VEGFA: variants seen among roughly 807,000 people sequenced by gnomAD.
VEGFA encodes vascular endothelial growth factor A.
A neutral mutation model predicts 49.7 loss-of-function variants in VEGFA; 20 were observed. That is an observed-to-expected ratio of 0.40 (90% CI 0.28 to 0.58). The LOEUF (loss-of-function observed/expected upper bound fraction) is 0.58, where lower values mean the gene tolerates loss of function less well. VEGFA is among the 20% of genes least tolerant of loss of function. VEGFA has a pLI of 0.40. For missense variants in VEGFA, 505 were observed against 553.5 expected (o/e 0.91, Z 0.88); for synonymous variants, 219 against 223.4 (o/e 0.98, Z 0.18).
Position 43,773,825 on chromosome 6 carries a change from T to C in VEGFA, c.607-516T>C, listed in dbSNP as rs979378130. ...GGATGGGGGAGGGTGGTTGGTGCCC[T>C]TCGGTCCTCGGCACCCCCCTCCGTC... On this transcript the variant is annotated intron_variant, in intron 1 of 7. Transcript: ENST00000672860. This position sits in a 1 kb window ranked among gnomAD's most constrained non-coding sequence, Gnocchi z 5.6. 6 of 184,786 alleles carry C rather than the reference T, an allele frequency of 3.2e-5. No homozygotes were observed. Among genetic ancestry groups the C allele is most frequent in the Non-Finnish European group, 5.9e-5 (5 of 85,104 alleles). The allele number at this position is 184,786 out of a possible 1,614,324, so 11.4% of individuals were successfully genotyped here. A position where few individuals can be genotyped will look rare whatever the true frequency, so the allele number is the denominator to read the frequency against.
intron 5 of VEGFA, chr6:43,780,351 A>G: frequency 2.8e-6 from 1 of 356,280 alleles, no homozygotes; most frequent in Non-Finnish European, 5.4e-6. Flanking sequence ...AGACTTGGAC[A>G]GGGCTGCTGG....
At chr6:43,780,565 G>A (rs1180854967) in intron 5 of VEGFA, 167 bp from the exon 6 acceptor site, 10 of 884,070 alleles carry the variant, frequency 1.1e-5, no homozygotes, top group South Asian at 4.7e-5. Flanking sequence ...GCCTGTGTGC[G>A]CCCGCGCATG....
intron 5 of VEGFA, chr6:43,779,247 C>G (rs1242806551): frequency 4.0e-6 from 2 of 500,336 alleles, no homozygotes. Context: ...TCTAGGACAC[C>G]CACAGTGGGG....
At chr6:43,783,066 T>C (rs1371593491) in intron 7 of VEGFA, 1 of 152,134 alleles carries the variant, frequency 6.6e-6, no homozygotes, top group African/African-American at 2.4e-5. Flanking sequence ...ACCAAGGAAG[T>C]GTCAAGTGCA....
rs991930720 is a variant in VEGFA, at chr6:43,777,807, G to C, written c.855+142G>C. ...AGTTGCACAGGGGAGGTATGGTGGGGTCTTGCCTTCTGTGGAGAAGATGCT... is the reference window on the plus strand; with the variant it reads ...AGTTGCACAGGGGAGGTATGGTGGGCTCTTGCCTTCTGTGGAGAAGATGCT... On this transcript the variant is annotated intron_variant, in intron 3 of 7. Coordinates refer to ENST00000672860, the MANE Select transcript of VEGFA (RefSeq NM_003376.6). This position sits in a 1 kb window ranked among gnomAD's most constrained non-coding sequence, Gnocchi z 4.3. The C allele has an allele frequency of 9.1e-6, 8 of 877,790 alleles. No individual in the cohort carries two copies. The African/African-American group carries it at 1.4e-4, about 15-fold the overall frequency. 54.4% of individuals were successfully genotyped at this position (877,790 alleles called of 1,614,324 possible). A position where few individuals can be genotyped will look rare whatever the true frequency, so the allele number is the denominator to read the frequency against.
At position 43,780,092 on chromosome 6, in the gene VEGFA, G is replaced by A. The variant is rs1448984513; in HGVS notation, c.963-640G>A. The A allele has an allele frequency of 1.9e-5, 4 of 214,608 alleles. No homozygotes were observed. In the East Asian group the frequency reaches 4.5e-4, roughly 24 times the overall value. 13.3% of individuals were successfully genotyped at this position (214,608 alleles called of 1,614,324 possible). ...ATCCTGCTGCCTGCCCAGGGCTCCA[G>A]GACACCCAGCCCTGCCTCCCAGTCC... On this transcript the variant is annotated intron_variant, in intron 5 of 7. Transcript: ENST00000672860.
chr6:43,771,149 G>A lies in VEGFA; in HGVS notation c.443G>A (p.Arg148Lys), dbSNP rs780766978. The A allele has an allele frequency of 1.3e-6, 2 of 1,538,480 alleles. No individual in the cohort carries two copies. The highest frequency in any genetic ancestry group is 1.7e-6 in the Non-Finnish European group (2 of 1,146,204). Residue 148 changes from arginine to lysine, a missense_variant, in exon 1 of 8, where the codon AGA becomes AAA. Arg to Lys is a conservative substitution (Grantham distance 26). Coordinates refer to ENST00000672860, the MANE Select transcript of VEGFA (RefSeq NM_003376.6). ...GCCCGGGCCTCGGGCCGGGGAGGAA[G>A]AGTAGCTCGCCGAGGCGCCGAGGAG...
rs372731987 is a variant in VEGFA at position 43,771,200 on chromosome 6, G to A, written c.494G>A (p.Arg165Gln). ...AGCGGGCCGCCCCACAGCCCGAGCC[G>A]GAGAGGGAGCGCGAGCCGCGCCGGC... is the stretch of plus-strand genomic sequence containing the variant. Residue 165 changes from arginine (R) to glutamine (Q), a missense_variant, in exon 1 of 8, where the codon CGG becomes CAG. Arg to Gln is a conservative substitution (Grantham distance 43). Coordinates refer to ENST00000672860, the MANE Select transcript of VEGFA (RefSeq NM_003376.6). 1.9e-5 allele frequency: 31 copies of A among 1,600,456 alleles called. 1 individual carries two copies. In the South Asian group the frequency reaches 3.1e-4, roughly 16 times the overall value.
Position 43,770,403 on chromosome 6 carries a change from A to T in VEGFA, c.-304A>T. 2.5e-6 allele frequency: 1 copy of T among 394,104 alleles called. No homozygotes were observed. The highest frequency in any genetic ancestry group is 4.3e-6 in the Non-Finnish European group (1 of 230,330). The allele number at this position is 394,104 out of a possible 1,614,324, so 24.4% of individuals were successfully genotyped here. ...TTTTTCTTAAACATTTTTTTTTAAA[A>T]CTGTATTGTTTCTCGTTTTAATTTA... is the stretch of plus-strand genomic sequence containing the variant. On this transcript the variant is annotated 5_prime_UTR_variant, in exon 1 of 8. Coordinates refer to ENST00000672860, the MANE Select transcript of VEGFA (RefSeq NM_003376.6).
rs1765820786 is a variant in VEGFA at position 43,777,462 on chromosome 6, C to T, written c.659-7C>T. 3 of 1,613,752 alleles carry T rather than the reference C, an allele frequency of 1.9e-6. No homozygotes were observed. Among genetic ancestry groups the T allele is most frequent in the Non-Finnish European group, 2.5e-6 (3 of 1,180,044 alleles). On this transcript the variant is annotated splice_polypyrimidine_tract_variant and splice_region_variant and intron_variant, in intron 2 of 7. Coordinates refer to ENST00000672860, the MANE Select transcript of VEGFA (RefSeq NM_003376.6). The surrounding 1 kb of genome is among the most constrained non-coding windows in gnomAD (Gnocchi z 4.3). The stretch of plus-strand genomic sequence containing the variant: ...ACCGGGCTCATGTGTCATCGCCTCT[C>T]ATGCAGTGGTGAAGTTCATGGATGT...
chr6:43,781,944 G>C lies in VEGFA; in HGVS notation c.1035-12G>C, dbSNP rs755211460. 1 of 1,613,370 alleles carries C rather than the reference G, an allele frequency of 6.2e-7. No individual in the cohort carries two copies. The highest frequency in any genetic ancestry group is 1.7e-5 in the Admixed American group (1 of 59,972). The stretch of plus-strand genomic sequence containing the variant: ...CTCTAGCTTAGATGTCTTTCCTTTT[G>C]CCTTTTTGCAGTCCCTGTGGGCCTT... On this transcript the variant is annotated splice_polypyrimidine_tract_variant and intron_variant, in intron 6 of 7. Coordinates refer to ENST00000672860, the MANE Select transcript of VEGFA (RefSeq NM_003376.6).
chr6:43,777,427 T>C lies in VEGFA; in HGVS notation c.659-42T>C, dbSNP rs770044372. 5.8e-5 allele frequency: 93 copies of C among 1,610,106 alleles called. No homozygotes were observed. The highest frequency in any genetic ancestry group is 7.4e-5 in the Non-Finnish European group (87 of 1,178,056). On this transcript the variant is annotated intron_variant, in intron 2 of 7. Coordinates refer to ENST00000672860, the MANE Select transcript of VEGFA (RefSeq NM_003376.6). This position sits in a 1 kb window ranked among gnomAD's most constrained non-coding sequence, Gnocchi z 4.3. ...GTGGAGAGAGGGGCTAGCCATCTTT[T>C]GTGTCGCCCACCGGGCTCATGTGTC...
intron 7 of VEGFA, chr6:43,784,234 C>CATTT (rs2128061117): frequency 3.8e-6 from 2 of 526,438 alleles, no homozygotes; most frequent in East Asian, 3.3e-5. Flanking sequence ...GGTATCCGTT[C>CATTT]ATTTGTTGCT....
In VEGFA at chr6:43,777,984, G is replaced by T. The variant is rs1766021177; in HGVS notation, c.855+319G>T. On this transcript the variant is annotated intron_variant, in intron 3 of 7. Transcript: ENST00000672860. The surrounding 1 kb of genome is among the most constrained non-coding windows in gnomAD (Gnocchi z 4.3). ...TCCTGAGTGCCCCCCCTTCTTGGGG[G>T]CTTTGTTTGGGAAGCTGGATGAGCC... The T allele has an allele frequency of 1.3e-5, 6 of 469,540 alleles. No homozygotes were observed. The highest frequency in any genetic ancestry group is 3.9e-5 in the African/African-American group (2 of 51,328). 29.1% of individuals were successfully genotyped at this position (469,540 alleles called of 1,614,324 possible). A position where few individuals can be genotyped will look rare whatever the true frequency, so the allele number is the denominator to read the frequency against.
At position 43,777,690 on chromosome 6, in the gene VEGFA, A is replaced by G. The variant is rs781056639; in HGVS notation, c.855+25A>G. 17 of 859,124 alleles carry G rather than the reference A, an allele frequency of 2.0e-5. 1 individual carries two copies. The South Asian group carries it at 2.2e-4, about 11-fold the overall frequency. The allele number at this position is 859,124 out of a possible 1,614,324, so 53.2% of individuals were successfully genotyped here. On this transcript the variant is annotated intron_variant, in intron 3 of 7. Coordinates refer to ENST00000672860, the MANE Select transcript of VEGFA (RefSeq NM_003376.6). This position sits in a 1 kb window ranked among gnomAD's most constrained non-coding sequence, Gnocchi z 4.3. ...GGTGGGCATCTTTGGGAAGTGGGGC[A>G]AGGGGGGGATAGGGAGGGGGGTAAC...
At chr6:43,781,734 T>A in intron 6 of VEGFA, 1 of 543,954 alleles carries the variant, frequency 1.8e-6, no homozygotes, top group Non-Finnish European at 3.3e-6. Flanking sequence ...TCTGCCCGTC[T>A]GTGCCCGCCT....
intron 3 of VEGFA, chr6:43,778,007 G>C (rs1766028492): frequency 2.2e-6 from 1 of 460,736 alleles, no homozygotes; most frequent in Admixed American, 3.6e-5. Context: ...AGCTGGATGA[G>C]CCTGGTCCAT....
chr6:43,771,800 C>A (rs1763668918), intron 1 of VEGFA, among the ~76,000 whole-genome samples: 1 of 152,192 alleles, frequency 6.6e-6, no homozygotes, highest in Non-Finnish European at 1.5e-5. Flanking sequence ...GCTGTCACTG[C>A]CACTCGGTCT....
intron 7 of VEGFA, 138 bp from the exon 8 acceptor site, chr6:43,784,403 C>T (rs907603987): frequency 1.1e-6 from 1 of 869,728 alleles, no homozygotes; most frequent in African/African-American, 1.6e-5. Context: ...CAGGACCACA[C>T]CTTCCTGTCC....
Sources: gnomAD v4.1 joint callset for allele counts (sites outside exome capture counted in the v4.1 genomes callset) on GRCh38, gnomAD v4.1.1 for gene constraint, Gnocchi (gnomAD v3.1) non-coding constraint, MANE v1.5 for transcripts, NCBI Gene and HGNC (gene_info 2026-07-23, HGNC 2026-07-21) for gene names.